The following CLPTM1L variants were observed in gnomAD, a reference collection of about 807,000 sequenced individuals.
CLPTM1L encodes the protein CLPTM1 like.
In CLPTM1L, 38 loss-of-function variants were observed where a neutral mutation model predicts 70.9. The observed-to-expected ratio is 0.54, with a 90% confidence interval of 0.41 to 0.70. The LOEUF is 0.70. Ranked by LOEUF, CLPTM1L falls within the 30% of genes least tolerant of loss-of-function variation. The pLI, the probability that CLPTM1L is intolerant of heterozygous loss-of-function variation, is 0.00. For missense variants in CLPTM1L, 652 were observed against 705.9 expected (o/e 0.92, Z 0.87); for synonymous variants, 339 against 299.9 (o/e 1.13, Z -1.35).
chr5:1,324,074 A>C, intron 11 of CLPTM1L: 1 of 576,794 alleles, frequency 1.7e-6, no homozygotes. Flanking sequence ...CACACGCCAG[A>C]GCCCGGGTGT....
In CLPTM1L at chr5:1,319,474, G is replaced by A. The variant is rs866987558; in HGVS notation, c.1533-1021C>T. Among the ~76,000 whole-genome samples, 3 of 152,338 alleles carry A rather than the reference G, an allele frequency of 2.0e-5. No homozygotes were observed. In the South Asian group the frequency reaches 6.2e-4, roughly 32 times the overall value. ...AGTTAAACCAGGCAGAACCATGCCA[G>A]CCTCATGCTGGCTGGGACAGAGGCT... On this transcript the variant is annotated intron_variant, in intron 16 of 16. Coordinates refer to ENST00000320895, the MANE Select transcript of CLPTM1L (RefSeq NM_030782.5).
intron 10 of CLPTM1L, chr5:1,325,316 C>T: frequency 4.0e-6 from 1 of 251,610 alleles, no homozygotes; most frequent in Non-Finnish European, 7.6e-6. Context: ...TCTGCCCCAG[C>T]CCTCATCTGC....
Position 1,318,364 on chromosome 5 carries a change from G to A in CLPTM1L, c.*5C>T, listed in dbSNP as rs751384198. 1.7e-5 allele frequency: 27 copies of A among 1,611,650 alleles called. No individual in the cohort carries two copies. The highest frequency in any genetic ancestry group is 2.2e-5 in the South Asian group (2 of 90,908). ...GCACTTGGCTGGCGGCAGCCCGGGC[G>A]GCCTTCAGTCCGTGTGGGGCGCCCG... is the stretch of plus-strand genomic sequence containing the variant. On this transcript the variant is annotated 3_prime_UTR_variant, in exon 17 of 17. Coordinates refer to ENST00000320895, the MANE Select transcript of CLPTM1L (RefSeq NM_030782.5). This position sits in a 1 kb window ranked among gnomAD's most constrained non-coding sequence, Gnocchi z 8.9.
At chr5:1,338,364 A>C in intron 4 of CLPTM1L, 1 of 295,220 alleles carries the variant, frequency 3.4e-6, no homozygotes, top group Non-Finnish European at 6.4e-6. Context: ...TGGAAGGGCG[A>C]GTCACCTGCA....
chr5:1,324,704 G>T, intron 11 of CLPTM1L, 59 bp downstream of exon 11: 1 of 1,468,158 alleles, frequency 6.8e-7, no homozygotes, highest in Non-Finnish European at 9.6e-7. Flanking sequence ...TAAAAGACCC[G>T]TCTTTGAGGG....
Position 1,338,861 on chromosome 5 carries a change from T to C in CLPTM1L, c.598A>G (p.Met200Val), listed in dbSNP as rs1448692280. Residue 200 changes from methionine (M) to valine (V), a missense_variant and splice_region_variant, in exon 4 of 17, where the codon ATG becomes GTG. Coordinates refer to ENST00000320895, the MANE Select transcript of CLPTM1L (RefSeq NM_030782.5). ...LPADVHRYMK[M>V]IQLGKTVHYL... Reference sequence around the variant, plus strand: ...CTCCAGCTCTGGGGCCCCACTTACATCTTCATGTACCGATGCACATCGGCA... The same window carrying C: ...CTCCAGCTCTGGGGCCCCACTTACACCTTCATGTACCGATGCACATCGGCA... The C allele has an allele frequency of 6.2e-7, 1 of 1,613,070 alleles. No individual in the cohort carries two copies. The highest frequency in any genetic ancestry group is 1.3e-5 in the African/African-American group (1 of 74,948).
At chr5:1,332,814 A>C (rs940444331) in intron 7 of CLPTM1L, among the ~76,000 whole-genome samples, 1 of 152,256 alleles carries the variant, frequency 6.6e-6, no homozygotes, top group African/African-American at 2.4e-5. Context: ...AAACCATTAC[A>C]TAATACATAT....
chr5:1,342,009 C>CGG lies in CLPTM1L; in HGVS notation c.264-150_264-149insCC. 2.0e-6 allele frequency: 1 copy of CGG among 502,688 alleles called. No individual in the cohort carries two copies. The highest frequency in any genetic ancestry group is 3.4e-6 in the Non-Finnish European group (1 of 291,858). 31.1% of individuals were successfully genotyped at this position (502,688 alleles called of 1,614,324 possible). A position where few individuals can be genotyped will look rare whatever the true frequency, so the allele number is the denominator to read the frequency against. On this transcript the variant is annotated intron_variant, in intron 2 of 16. Transcript: ENST00000320895. This position sits in a 1 kb window ranked among gnomAD's most constrained non-coding sequence, Gnocchi z 4.3. ...CCCACCTGCCCAGGGCTTTACGAGTCGTGTGTGTGTGTGTGTGTGTGTGTG... is the reference window on the plus strand; with the variant it reads ...CCCACCTGCCCAGGGCTTTACGAGTCGGGTGTGTGTGTGTGTGTGTGTGTGTG...
Position 1,334,351 on chromosome 5 carries a change from C to G in CLPTM1L, c.829G>C (p.Gly277Arg), listed in dbSNP as rs200343909. Residue 277 changes from glycine (G) to arginine (R), a missense_variant, in exon 7 of 17, where the codon GGA (glycine) becomes CGA (arginine). Around this residue, in one of 3 missense-constraint regions of CLPTM1L, gnomAD observed 402 missense variants for 388.2 expected, o/e 1.04. Transcript: ENST00000320895. Reference protein sequence around the residue: ...FSEKDADEVKGIFVDTNLYFL... With the variant: ...FSEKDADEVKRIFVDTNLYFL... ...TATAAGTTGGTATCTACAAAAATTC[C>G]TTTCACCTCATCAGCATCTTTCTCT... 62 of 1,612,962 alleles carry G rather than the reference C, an allele frequency of 3.8e-5. No individual in the cohort carries two copies. Among genetic ancestry groups the G allele is most frequent in the Non-Finnish European group, 4.7e-5 (56 of 1,179,406 alleles).
Position 1,318,515 on chromosome 5 carries a change from AGGACT to A in CLPTM1L, c.1533-67_1533-63del. ...CTGCAGGGGCTATTTTTCTAAGAGG[AGGACT>A]TGGCATCCTCGATTTATTTTCCAGT... is the stretch of plus-strand genomic sequence containing the variant. On this transcript the variant is annotated intron_variant, in intron 16 of 16. Transcript: ENST00000320895. The surrounding 1 kb of genome is among the most constrained non-coding windows in gnomAD (Gnocchi z 8.9). 5 of 1,338,768 alleles carry A rather than the reference AGGACT, an allele frequency of 3.7e-6. No individual in the cohort carries two copies. Among genetic ancestry groups the A allele is most frequent in the Non-Finnish European group, 5.3e-6 (5 of 938,864 alleles). 82.9% of individuals were successfully genotyped at this position (1,338,768 alleles called of 1,614,324 possible). A position where few individuals can be genotyped will look rare whatever the true frequency, so the allele number is the denominator to read the frequency against.
In CLPTM1L at chr5:1,344,531, C is replaced by T. The variant is rs1754152228; in HGVS notation, c.163-80G>A. 6 of 1,490,344 alleles carry T rather than the reference C, an allele frequency of 4.0e-6. No individual in the cohort carries two copies. The Admixed American group carries it at 9.0e-5, about 22-fold the overall frequency. 92.3% of individuals were successfully genotyped at this position (1,490,344 alleles called of 1,614,324 possible). A position where few individuals can be genotyped will look rare whatever the true frequency, so the allele number is the denominator to read the frequency against. On this transcript the variant is annotated intron_variant, in intron 1 of 16. Transcript: ENST00000320895. ...TCAAATCCCACGGCCAGCTGGAGGG[C>T]GGAAGACCTGGCCGCTGGGGAACCA...
At chr5:1,329,321 C>T (rs901488150) in intron 9 of CLPTM1L, among the ~76,000 whole-genome samples, 1 of 152,274 alleles carries the variant, frequency 6.6e-6, no homozygotes, top group African/African-American at 2.4e-5. Context: ...AGCCACAGCA[C>T]GAGCCTCTCA....
intron 15 of CLPTM1L, 111 bp from the exon 16 acceptor site, chr5:1,320,842 G>A (rs78766954): frequency 0.073 from 43,203 of 588,588 alleles, 1,968 homozygotes; most frequent in Non-Finnish European, 0.09. Context: ...GGAACTAACT[G>A]GAACTCCTCA....
chr5:1,335,341 C>T (rs970461529), intron 5 of CLPTM1L, among the ~76,000 whole-genome samples, 167 bp from the exon 6 acceptor site: 1 of 152,230 alleles, frequency 6.6e-6, no homozygotes, highest in Non-Finnish European at 1.5e-5. Context: ...TCACCACAGG[C>T]CTCAGGCCCC....
intron 5 of CLPTM1L, among the ~76,000 whole-genome samples, chr5:1,336,063 A>T (rs457130): frequency 0.41 from 62,448 of 152,204 alleles, 13,322 homozygotes; most frequent in African/African-American, 0.49. Flanking sequence ...CACAACCAGC[A>T]GGTGCCAGGT....
intron 7 of CLPTM1L, among the ~76,000 whole-genome samples, chr5:1,333,672 AGGGG>A (rs1342692356): frequency 3.1e-5 from 3 of 95,394 alleles, no homozygotes; most frequent in Non-Finnish European, 3.9e-5. Flanking sequence ...GCTGAGGATA[AGGGG>A]GGACTACTGT....
intron 9 of CLPTM1L, among the ~76,000 whole-genome samples, chr5:1,329,271 T>C (rs991191495): frequency 4.6e-5 from 7 of 152,270 alleles, no homozygotes; most frequent in Non-Finnish European, 7.3e-5. Context: ...CACCGAGTGA[T>C]TTCCGTCAGT....
At chr5:1,325,959 A>C (rs1368840585) in intron 9 of CLPTM1L, 143 bp from the exon 10 acceptor site, 6 of 677,164 alleles carry the variant, frequency 8.9e-6, no homozygotes, top group Non-Finnish European at 1.6e-5. Flanking sequence ...CCCACAGCTC[A>C]GGCCAGAGCG....
At chr5:1,341,112 T>A (rs1165492947) in intron 3 of CLPTM1L, among the ~76,000 whole-genome samples, 2 of 152,250 alleles carry the variant, frequency 1.3e-5, no homozygotes, top group Admixed American at 6.5e-5. Context: ...AAGGTGGGTG[T>A]CAGAATTCCC....
Sources: allele counts gnomAD v4.1 joint callset (sites outside exome capture counted in the v4.1 genomes callset), GRCh38; gene constraint gnomAD v4.1.1; regional missense constraint gnomAD v4.1.1; non-coding constraint Gnocchi (gnomAD v3.1); transcripts MANE v1.5; gene names NCBI Gene and HGNC (gene_info 2026-07-23, HGNC 2026-07-21).